DENND5B: variants seen among roughly 807,000 people sequenced by gnomAD.
DENND5B encodes the protein DENN domain-containing protein 5B.
In DENND5B, 34 loss-of-function variants were observed where a neutral mutation model predicts 140.6. The ratio of observed to expected loss-of-function variants is 0.24; its 90% confidence interval spans 0.18 to 0.32. The LOEUF is 0.32. Among genes scored for constraint, DENND5B ranks in the 10% least tolerant of loss-of-function variants. The pLI is 1.00. For missense variants in DENND5B, 1,142 were observed against 1,560.2 expected (o/e 0.73, Z 4.52); for synonymous variants, 551 against 562.1 (o/e 0.98, Z 0.28).
At chr12:31,507,634 T>A (rs12310541) in intron 1 of DENND5B, among the ~76,000 whole-genome samples, 10,596 of 152,006 alleles carry the variant, frequency 0.07, 787 homozygotes, top group African/African-American at 0.19. Flanking sequence ...GAAAAAAAAA[T>A]TTTTTAAGTA....
At chr12:31,582,188 T>C (rs1241208887) in intron 1 of DENND5B, among the ~76,000 whole-genome samples, 2 of 152,234 alleles carry the variant, frequency 1.3e-5, no homozygotes, top group Non-Finnish European at 2.9e-5. Context: ...AGGATTAATT[T>C]TTTTTTAACA....
At chr12:31,523,080 A>G (rs1385664427) in intron 1 of DENND5B, among the ~76,000 whole-genome samples, 1 of 149,134 alleles carries the variant, frequency 6.7e-6, no homozygotes, top group Non-Finnish European at 1.5e-5. Flanking sequence ...TTTTTTAAAG[A>G]AAAAGCCTCA....
At chr12:31,579,432 G>A (rs1048193941) in intron 1 of DENND5B, among the ~76,000 whole-genome samples, 3 of 152,006 alleles carry the variant, frequency 2.0e-5, no homozygotes, top group African/African-American at 7.2e-5. Context: ...GTAGCCGAGG[G>A]GGGTGATCAC....
intron 8 of DENND5B, among the ~76,000 whole-genome samples, chr12:31,429,565 C>T (rs1399485915): frequency 6.6e-6 from 1 of 151,922 alleles, no homozygotes; most frequent in Admixed American, 6.6e-5. Flanking sequence ...CTGGCCACCA[C>T]ACCTGGCTAA....
chr12:31,520,691 C>T (rs1403740699), intron 1 of DENND5B, among the ~76,000 whole-genome samples: 3 of 152,200 alleles, frequency 2.0e-5, no homozygotes, highest in African/African-American at 7.2e-5. Context: ...CAGGTGTGTG[C>T]CACCATGCCC....
chr12:31,545,426 C>T (rs895407310), intron 1 of DENND5B, among the ~76,000 whole-genome samples: 1 of 152,026 alleles, frequency 6.6e-6, no homozygotes, highest in Admixed American at 6.6e-5. Context: ...TCTGTTGTTG[C>T]CATCTTTATG....
chr12:31,443,514 C>T (rs1944138900), intron 6 of DENND5B, among the ~76,000 whole-genome samples: 2 of 152,038 alleles, frequency 1.3e-5, no homozygotes, highest in Admixed American at 1.3e-4. Context: ...GATGAAAAGC[C>T]TACAATTTTG....
At chr12:31,570,241 T>C (rs1949771774) in intron 1 of DENND5B, among the ~76,000 whole-genome samples, 1 of 150,428 alleles carries the variant, frequency 6.6e-6, no homozygotes. Flanking sequence ...TTATAAGCAA[T>C]ATATCTCCAG....
At chr12:31,546,351 T>C (rs1352826860) in intron 1 of DENND5B, among the ~76,000 whole-genome samples, 1 of 152,136 alleles carries the variant, frequency 6.6e-6, no homozygotes, top group Non-Finnish European at 1.5e-5. Flanking sequence ...ATTATATTTC[T>C]TTTCAACTCC....
chr12:31,391,486 T>C (rs1203093368), intron 19 of DENND5B, among the ~76,000 whole-genome samples: 1 of 152,226 alleles, frequency 6.6e-6, no homozygotes, highest in Non-Finnish European at 1.5e-5. Flanking sequence ...TTTTTGTGTA[T>C]TGTTTGTTTC....
At chr12:31,431,750 T>G (rs80048884) in intron 8 of DENND5B, among the ~76,000 whole-genome samples, 1,724 of 152,260 alleles carry the variant, frequency 0.011, 19 homozygotes, top group East Asian at 0.031. Flanking sequence ...TTTCCCCCTT[T>G]GAAGTAAGGC....
chr12:31,579,008 C>T (rs1484270124), intron 1 of DENND5B, among the ~76,000 whole-genome samples: 1 of 152,176 alleles, frequency 6.6e-6, no homozygotes, highest in African/African-American at 2.4e-5. Context: ...AGGGTGACTT[C>T]CTGGGATTAC....
intron 3 of DENND5B, among the ~76,000 whole-genome samples, chr12:31,470,111 C>CTTTTTT: frequency 9.4e-6 from 1 of 105,942 alleles, no homozygotes. Context: ...CCATGTCTGG[C>CTTTTTT]TTTTTTTTTT....
At chr12:31,553,143 A>G (rs1949135683) in intron 1 of DENND5B, among the ~76,000 whole-genome samples, 1 of 151,850 alleles carries the variant, frequency 6.6e-6, no homozygotes, top group African/African-American at 2.4e-5. Context: ...TAGTTCTTTT[A>G]ATTGTGATGT....
chr12:31,468,235 C>A (rs1262576495), intron 3 of DENND5B, among the ~76,000 whole-genome samples: 2 of 152,130 alleles, frequency 1.3e-5, no homozygotes, highest in Non-Finnish European at 2.9e-5. Flanking sequence ...GTCTGGGCAA[C>A]AGAGCAAGAC....
At chr12:31,464,413 A>G (rs1945161592) in intron 3 of DENND5B, among the ~76,000 whole-genome samples, 1 of 152,190 alleles carries the variant, frequency 6.6e-6, no homozygotes, top group South Asian at 2.1e-4. Context: ...AGTACTATCT[A>G]CATGCTTCAA....
At chr12:31,438,579 G>A (rs1187437262) in intron 7 of DENND5B, among the ~76,000 whole-genome samples, 1 of 152,152 alleles carries the variant, frequency 6.6e-6, no homozygotes, top group Non-Finnish European at 1.5e-5. Context: ...AATCGGGGGT[G>A]ATTGAAAATT....
chr12:31,440,077 T>G (rs1227342627), intron 7 of DENND5B, among the ~76,000 whole-genome samples: 1 of 151,658 alleles, frequency 6.6e-6, no homozygotes, highest in Admixed American at 6.6e-5. Context: ...TTATGGAAAA[T>G]TCTCTTAATT....
intron 1 of DENND5B, among the ~76,000 whole-genome samples, chr12:31,562,245 T>C (rs1949502177): frequency 6.6e-6 from 1 of 152,172 alleles, no homozygotes; most frequent in Non-Finnish European, 1.5e-5. Flanking sequence ...AAAATGGCAA[T>C]TTATGTACCC....
Sources: gnomAD v4.1 joint callset for allele counts (sites outside exome capture counted in the v4.1 genomes callset) on GRCh38, gnomAD v4.1.1 for gene constraint, MANE v1.5 for transcripts, NCBI Gene and HGNC (gene_info 2026-07-23, HGNC 2026-07-21) for gene names.